ADCY4: variants seen among roughly 807,000 people sequenced by gnomAD.
ADCY4 encodes adenylate cyclase type 4.
ADCY4 carries 111 observed loss-of-function variants against 125.5 expected under a neutral mutation model. The observed-to-expected ratio is 0.88, with a 90% CI of 0.76 to 1.04. The LOEUF (loss-of-function observed/expected upper bound fraction) is 1.04, where lower values mean the gene tolerates loss of function less well. Among genes scored for constraint, ADCY4 ranks in the 50% least tolerant of loss-of-function variants. The probability of loss-of-function intolerance (pLI) is 0.00; values close to 1 mark genes in which losing one functional copy is unlikely to be tolerated. For synonymous variants in ADCY4, 576 were observed against 586.9 expected, an observed-to-expected ratio of 0.98 and a Z score of 0.27; for missense variants, 1,256 against 1,382.9, an observed-to-expected ratio of 0.91 and a Z score of 1.46.
chr14:24,326,707 C>CCT (rs2041951967), intron 10 of ADCY4, among the ~76,000 whole-genome samples: 1 of 151,562 alleles, frequency 6.6e-6, no homozygotes, highest in Non-Finnish European at 1.5e-5. Context: ...GATTTTCCTG[C>CCT]CTCAGCCTTC....
intron 10 of ADCY4, among the ~76,000 whole-genome samples, chr14:24,328,304 G>A (rs1385164180): frequency 6.6e-6 from 1 of 151,890 alleles, no homozygotes; most frequent in Non-Finnish European, 1.5e-5. Flanking sequence ...TGGAGGCCCT[G>A]ACATCAGTCA....
At chr14:24,330,317 T>C in intron 6 of ADCY4, 22 bp from the exon 7 acceptor site, 2 of 1,613,510 alleles carry the variant, frequency 1.2e-6, no homozygotes, top group Non-Finnish European at 1.7e-6. Flanking sequence ...TATGTGGGTG[T>C]GCAGAGGAAC....
intron 12 of ADCY4, 70 bp downstream of exon 12, chr14:24,326,009 G>A: frequency 6.5e-7 from 1 of 1,529,682 alleles, no homozygotes; most frequent in Middle Eastern, 1.7e-4. Flanking sequence ...GCCCCTCAGG[G>A]AGCACCATCC....
In ADCY4 at chr14:24,322,978, G is replaced by T. The variant is rs772997582; in HGVS notation, c.2268C>A (p.Ser756=). ...LLLLWLAASC[S]LFLHSHAWLS... is the part of the protein sequence containing the mutation. ...GCCAGGCATGGGAGTGCAGGAAGAG[G>T]GAGCAGGATGCCGCCAGCCACAGCA... Residue 756 remains serine, a synonymous_variant, in exon 18 of 25, where the codon TCC becomes TCA. Coordinates refer to ENST00000418030, the MANE Select transcript of ADCY4 (RefSeq NM_001198568.2). 1.2e-6 allele frequency: 2 copies of T among 1,614,038 alleles called. No homozygotes were observed. Among genetic ancestry groups the T allele is most frequent in the Non-Finnish European group, 8.5e-7 (1 of 1,179,984 alleles).
Position 24,322,664 on chromosome 14 carries a change from A to C in ADCY4, c.2387T>G (p.Phe796Cys). The C allele has an allele frequency of 6.2e-7, 1 of 1,614,102 alleles. No homozygotes were observed. The highest frequency in any genetic ancestry group is 8.5e-7 in the Non-Finnish European group (1 of 1,180,010). The change falls in exon 19 of 25, where the codon TTC becomes TGC. Residue 796 changes from phenylalanine (F) to cysteine (C), a missense_variant. Physicochemically the swap from Phe to Cys is radical, Grantham distance 205. Transcript: ENST00000418030. ...KEPKLMGAIS[F>C]FIFFFTLLVL... ...AAGGAGGGTGAAGAAGAAGATGAAG[A>C]AGGAGATAGCACCCATCAGTTTGGG...
Position 24,323,073 on chromosome 14 carries a change from A to G in ADCY4, c.2173T>C (p.Cys725Arg), listed in dbSNP as rs1002318248. 6.2e-7 allele frequency: 1 copy of G among 1,614,148 alleles called. No homozygotes were observed. The highest frequency in any genetic ancestry group is 8.5e-7 in the Non-Finnish European group (1 of 1,180,012). ...LISVPYSMHC[C>R]TLGFLSCSLF... ...GAGCAGGAGAGGAAGCCCAGCGTGC[A>G]GCAGTGCATGGAGTACTGTGGGGCC... Residue 725 changes from cysteine (C) to arginine (R), a missense_variant, in exon 18 of 25, where the codon TGC becomes CGC. Transcript: ENST00000418030.
Position 24,331,854 on chromosome 14 carries a change from G to A in ADCY4, c.603C>T (p.Ala201=), listed in dbSNP as rs1482905111. The A allele has an allele frequency of 1.2e-6, 2 of 1,603,738 alleles. No homozygotes were observed. Among genetic ancestry groups the A allele is most frequent in the African/African-American group, 1.3e-5 (1 of 74,752 alleles). ...GGGAGCTGAGTGCCTCCCGGAACGT[G>A]GCCCGCAGGGCGCGCTCCATCAGCG... ...HKALMERALR[A]TFREALSSLH... is the part of the protein sequence containing the mutation. Residue 201 remains alanine, a synonymous_variant, in exon 4 of 25, where the codon GCC becomes GCT. Coordinates refer to ENST00000418030, the MANE Select transcript of ADCY4 (RefSeq NM_001198568.2).
intron 14 of ADCY4, 74 bp downstream of exon 14, chr14:24,325,303 T>C: frequency 1.6e-6 from 2 of 1,269,876 alleles, no homozygotes; most frequent in Non-Finnish European, 2.3e-6. Context: ...AGGAAGAAAG[T>C]GTGGCCCGGG....
intron 1 of ADCY4, 36 bp downstream of exon 1, chr14:24,334,458 A>T (rs189225282): frequency 1.9e-6 from 3 of 1,551,234 alleles, no homozygotes; most frequent in Admixed American, 3.9e-5. Context: ...AATGCTCCCC[A>T]GGTAGAGACC....
intron 10 of ADCY4, 158 bp downstream of exon 10, chr14:24,328,903 C>T: frequency 1.1e-6 from 1 of 928,812 alleles, no homozygotes; most frequent in South Asian, 1.6e-5. Flanking sequence ...AGGGCCTGAA[C>T]CAGTGACTGG....
intron 2 of ADCY4, 26 bp from the exon 3 acceptor site, chr14:24,332,709 A>C: frequency 6.4e-7 from 1 of 1,573,332 alleles, no homozygotes; most frequent in Non-Finnish European, 8.6e-7. Flanking sequence ...GGGAAGCCGA[A>C]GGCCCAAGTG....
intron 1 of ADCY4, among the ~76,000 whole-genome samples, chr14:24,333,902 C>T (rs2042090791): frequency 1.3e-5 from 2 of 152,174 alleles, no homozygotes; most frequent in Admixed American, 6.5e-5. Context: ...AGCATTTTGT[C>T]CCCACCTCTT....
chr14:24,331,708 A>C, intron 4 of ADCY4, 80 bp downstream of exon 4: 1 of 1,430,034 alleles, frequency 7.0e-7, no homozygotes, highest in Non-Finnish European at 9.2e-7. Context: ...GAGTCACTCA[A>C]CTTGTGGAGG....
intron 10 of ADCY4, among the ~76,000 whole-genome samples, chr14:24,326,950 G>T (rs2041957957): frequency 1.4e-5 from 2 of 146,062 alleles, no homozygotes; most frequent in South Asian, 4.3e-4. Flanking sequence ...AGGCTGGAGT[G>T]CATTGGTGCA....
intron 3 of ADCY4, 129 bp from the exon 4 acceptor site, chr14:24,332,066 G>A (rs1251559988): frequency 2.5e-6 from 3 of 1,202,480 alleles, no homozygotes; most frequent in Non-Finnish European, 3.3e-6. Context: ...TGTGGGACAA[G>A]TGGTGCCACA....
chr14:24,326,255 TCATCCAGACAGCCCCA>T, intron 11 of ADCY4, 28 bp downstream of exon 11: 1 of 1,612,388 alleles, frequency 6.2e-7, no homozygotes, highest in Admixed American at 1.7e-5. Flanking sequence ...ATGGAGGGGG[TCATCCAGACAGCCCCA>T]CTGGCAAAGA....
At chr14:24,318,924 AAG>A in intron 23 of ADCY4, 146 bp from the exon 24 acceptor site, 2 of 1,420,078 alleles carry the variant, frequency 1.4e-6, no homozygotes, top group Non-Finnish European at 1.9e-6. Flanking sequence ...GCTTAAGAAA[AAG>A]AGTGGGAGAG....
intron 18 of ADCY4, 77 bp from the exon 19 acceptor site, chr14:24,322,785 G>T (rs969535019): frequency 1.9e-6 from 3 of 1,558,522 alleles, no homozygotes; most frequent in Non-Finnish European, 2.6e-6. Context: ...GTAGGCCTCC[G>T]CTTCCCTCCC....
In ADCY4 at chr14:24,331,572, C is replaced by T. The variant is rs74719822; in HGVS notation, c.669+216G>A. 7,244 of 882,410 alleles carry T rather than the reference C, an allele frequency of 8.2e-3. 39 individuals carry two copies. The highest frequency in any genetic ancestry group is 0.011 in the Non-Finnish European group (6,444 of 597,360). The allele number at this position is 882,410 out of a possible 1,614,324, so 54.7% of individuals were successfully genotyped here. On this transcript the variant is annotated intron_variant, in intron 4 of 24. Coordinates refer to ENST00000418030, the MANE Select transcript of ADCY4 (RefSeq NM_001198568.2). ...CAGTATCAACACCTGAATGGGAGTT[C>T]ACTTAATATCATAATGCTCTAAAGT...
Sources: allele counts gnomAD v4.1 joint callset (sites outside exome capture counted in the v4.1 genomes callset), GRCh38; gene constraint gnomAD v4.1.1; transcripts MANE v1.5; gene names NCBI Gene and HGNC (gene_info 2026-07-23, HGNC 2026-07-21).